MAGI2: variants seen among roughly 807,000 people sequenced by gnomAD.
The protein encoded by MAGI2 is membrane associated guanylate kinase, WW and PDZ domain containing 2, also known as membrane-associated guanylate kinase, WW and PDZ domain-containing protein 2.
Under a neutral mutation model 133.3 loss-of-function variants are expected in MAGI2, and 35 were observed. The ratio of observed to expected loss-of-function variants is 0.26; its 90% CI spans 0.20 to 0.35. MAGI2 has a LOEUF of 0.35. Among genes scored for constraint, MAGI2 ranks in the 10% least tolerant of loss-of-function variants. The probability of loss-of-function intolerance (pLI) is 1.00; values close to 1 mark genes in which losing one functional copy is unlikely to be tolerated. For synonymous variants in MAGI2, 729 were observed against 710.6 expected (o/e 1.03, Z -0.41); for missense variants, 1,636 against 1,863.4 (o/e 0.88, Z 2.25).
At chr7:79,104,900 C>T (rs1050952970) in intron 1 of MAGI2, among the ~76,000 whole-genome samples, 17 of 152,144 alleles carry the variant, frequency 1.1e-4, no homozygotes, top group Admixed American at 9.2e-4. Context: ...GTAAGCACAG[C>T]TAAACATACA....
At chr7:78,938,680 C>T (rs989154068) in intron 2 of MAGI2, among the ~76,000 whole-genome samples, 3 of 152,110 alleles carry the variant, frequency 2.0e-5, no homozygotes, top group Non-Finnish European at 4.4e-5. Context: ...CTTAAAATCT[C>T]ACCGACAGCT....
chr7:78,540,798 A>T (rs1300089869), intron 3 of MAGI2, among the ~76,000 whole-genome samples: 2 of 151,876 alleles, frequency 1.3e-5, no homozygotes, highest in African/African-American at 4.8e-5. Flanking sequence ...TGCTTCTTCT[A>T]CTTTTATATT....
intron 2 of MAGI2, among the ~76,000 whole-genome samples, chr7:78,712,645 G>C (rs1819310845): frequency 1.3e-5 from 2 of 152,256 alleles, no homozygotes; most frequent in East Asian, 3.9e-4. Flanking sequence ...GGCAGTAGGT[G>C]CATTTTAGTT....
intron 1 of MAGI2, among the ~76,000 whole-genome samples, chr7:79,111,197 CTTA>C (rs748982330): frequency 1.3e-5 from 2 of 152,136 alleles, no homozygotes; most frequent in East Asian, 1.9e-4. Context: ...AAAATATGGT[CTTA>C]TTATTAACTC....
At chr7:78,519,611 G>C (rs1052087691) in intron 4 of MAGI2, among the ~76,000 whole-genome samples, 1 of 152,132 alleles carries the variant, frequency 6.6e-6, no homozygotes, top group African/African-American at 2.4e-5. Context: ...AACCATAAAA[G>C]CACATCATCC....
At chr7:79,353,550 G>A (rs1220431156) in intron 1 of MAGI2, 1 of 450,910 alleles carries the variant, frequency 2.2e-6, no homozygotes, top group Admixed American at 2.4e-5. Context: ...ACTGCTTCAA[G>A]GCAGTGATGT....
intron 1 of MAGI2, among the ~76,000 whole-genome samples, chr7:79,180,356 G>T (rs1440654783): frequency 6.6e-6 from 1 of 152,028 alleles, no homozygotes; most frequent in African/African-American, 2.4e-5. Context: ...TGGACTTAAA[G>T]TTCTACATGG....
At chr7:78,496,047 C>A (rs1384863193) in intron 5 of MAGI2, among the ~76,000 whole-genome samples, 1 of 152,090 alleles carries the variant, frequency 6.6e-6, no homozygotes, top group Non-Finnish European at 1.5e-5. Flanking sequence ...TATTTCTCTC[C>A]AATAAATTTC....
At chr7:78,700,928 T>G (rs1818000907) in intron 2 of MAGI2, among the ~76,000 whole-genome samples, 1 of 149,814 alleles carries the variant, frequency 6.7e-6, no homozygotes, top group African/African-American at 2.4e-5. Flanking sequence ...TTAAATAAAT[T>G]TAGTATAGTA....
At chr7:79,268,889 T>TC (rs1375419171) in intron 1 of MAGI2, among the ~76,000 whole-genome samples, 1 of 152,144 alleles carries the variant, frequency 6.6e-6, no homozygotes, top group African/African-American at 2.4e-5. Flanking sequence ...AGGAGAAGGT[T>TC]GTTATTAGCC....
intron 12 of MAGI2, among the ~76,000 whole-genome samples, chr7:78,189,554 G>C (rs530854965): frequency 2.0e-5 from 3 of 152,184 alleles, no homozygotes; most frequent in Non-Finnish European, 4.4e-5. Flanking sequence ...TACCACAAAG[G>C]AGTGTGGACA....
At chr7:79,213,304 A>G (rs1829669444) in intron 1 of MAGI2, among the ~76,000 whole-genome samples, 2 of 149,080 alleles carry the variant, frequency 1.3e-5, no homozygotes, top group Non-Finnish European at 3.0e-5. Context: ...ACGTGTGTGT[A>G]TTTACACACA....
At chr7:79,327,625 G>A (rs933051746) in intron 1 of MAGI2, among the ~76,000 whole-genome samples, 9 of 151,922 alleles carry the variant, frequency 5.9e-5, no homozygotes, top group Admixed American at 6.6e-5. Context: ...TTTCAGAAGC[G>A]TCCTCATATG....
At chr7:78,215,223 C>T (rs945810740) in intron 10 of MAGI2, among the ~76,000 whole-genome samples, 5 of 151,962 alleles carry the variant, frequency 3.3e-5, no homozygotes, top group Admixed American at 1.3e-4. Context: ...TTAGTCTCAT[C>T]GTGGATCTTC....
At chr7:78,859,582 G>T (rs1563590444) in intron 2 of MAGI2, among the ~76,000 whole-genome samples, 1 of 152,168 alleles carries the variant, frequency 6.6e-6, no homozygotes, top group Non-Finnish European at 1.5e-5. Context: ...CTCTCTTCTG[G>T]CTTGTAGAGT....
chr7:78,511,315 A>G (rs1006260435), intron 4 of MAGI2, among the ~76,000 whole-genome samples: 3 of 151,886 alleles, frequency 2.0e-5, no homozygotes, highest in Non-Finnish European at 2.9e-5. Flanking sequence ...ATACTCTGTA[A>G]TGAAAAGTGT....
intron 3 of MAGI2, among the ~76,000 whole-genome samples, chr7:78,573,269 T>A (rs1272777909): frequency 8.0e-5 from 2 of 24,952 alleles, no homozygotes; most frequent in East Asian, 0.016. Context: ...TATAAATATA[T>A]ATAAATATAT....
chr7:78,030,573 G>A (rs768247758), intron 21 of MAGI2, among the ~76,000 whole-genome samples: 89 of 152,174 alleles, frequency 5.8e-4, no homozygotes, highest in Non-Finnish European at 6.3e-4. Flanking sequence ...ATTATCGAAT[G>A]GACAGTTTAC....
chr7:78,754,600 T>C (rs2151285994), intron 2 of MAGI2, among the ~76,000 whole-genome samples: 1 of 152,320 alleles, frequency 6.6e-6, no homozygotes. Flanking sequence ...CAGCAAGTAT[T>C]AGCTTTAAGG....
Sources: gnomAD v4.1 joint callset for allele counts (sites outside exome capture counted in the v4.1 genomes callset) on GRCh38, gnomAD v4.1.1 for gene constraint, MANE v1.5 for transcripts, NCBI Gene and HGNC (gene_info 2026-07-23, HGNC 2026-07-21) for gene names.